The following ZFHX3 variants were observed in gnomAD, a reference collection of about 807,000 sequenced individuals.
The protein encoded by ZFHX3 is zinc finger homeobox protein 3.
ZFHX3 carries 42 observed loss-of-function variants against 279.1 expected under a neutral mutation model. The ratio of observed to expected loss-of-function variants is 0.15; its 90% confidence interval spans 0.12 to 0.19. The LOEUF (loss-of-function observed/expected upper bound fraction) is 0.19. ZFHX3 is among the 10% of genes least tolerant of loss of function. ZFHX3 has a pLI of 1.00. For synonymous variants in ZFHX3, 2,293 were observed against 1,957.8 expected (o/e 1.17, Z -4.52); for missense variants, 4,981 against 4,754.0 (o/e 1.05, Z -1.40).
chr16:73,753,691 C>A lies in ZFHX3; in HGVS notation c.-1607-73451G>T, dbSNP rs141678887. On this transcript the variant is annotated intron_variant, in intron 1 of 17. Transcript: ENST00000641206. ...AATGCTTTGCTGGGCAAAGACAAAC[C>A]CCCACTGCCACTGGGCTAAGCCCCA... is the stretch of plus-strand genomic sequence containing the variant. Among the ~76,000 whole-genome samples the A allele has an allele frequency of 4.1e-4, 62 of 152,310 alleles. No individual in the cohort carries two copies. The East Asian group carries it at 0.011, about 28-fold the overall frequency.
At chr16:73,784,816 T>TATATATATATATACACAC (rs1555501460) in intron 1 of ZFHX3, among the ~76,000 whole-genome samples, 17 of 135,518 alleles carry the variant, frequency 1.3e-4, no homozygotes, top group African/African-American at 4.6e-4. Flanking sequence ...TATATATATA[T>TATATATATATATACACAC]ACACACACAC....
chr16:73,056,871 G>C (rs969811176), intron 1 of ZFHX3, among the ~76,000 whole-genome samples: 4 of 152,126 alleles, frequency 2.6e-5, no homozygotes, highest in African/African-American at 9.7e-5. Flanking sequence ...TTCTCCCAAA[G>C]TAGGGAGGAA....
chr16:73,670,731 T>A (rs1227928753), intron 2 of ZFHX3, among the ~76,000 whole-genome samples: 3 of 152,214 alleles, frequency 2.0e-5, no homozygotes, highest in African/African-American at 7.2e-5. Flanking sequence ...CACCAAACTA[T>A]ACTGTGACAT....
intron 2 of ZFHX3, among the ~76,000 whole-genome samples, chr16:73,557,688 C>A (rs1337675324): frequency 6.6e-6 from 1 of 151,968 alleles, no homozygotes; most frequent in African/African-American, 2.4e-5. Context: ...TGGGTTTTGG[C>A]CGGCTTCTTT....
intron 2 of ZFHX3, among the ~76,000 whole-genome samples, chr16:73,549,328 T>C (rs887933130): frequency 6.6e-6 from 1 of 152,142 alleles, no homozygotes; most frequent in Non-Finnish European, 1.5e-5. Flanking sequence ...ATTTCAAATA[T>C]ATTTAAAATA....
At chr16:72,903,437 T>C (rs1408379181) in intron 3 of ZFHX3, among the ~76,000 whole-genome samples, 1 of 152,164 alleles carries the variant, frequency 6.6e-6, no homozygotes, top group Non-Finnish European at 1.5e-5. Context: ...TGTCTTACAG[T>C]GGGGGTTAGA....
intron 3 of ZFHX3, among the ~76,000 whole-genome samples, chr16:73,339,165 C>T (rs1044819901): frequency 3.9e-5 from 6 of 152,202 alleles, no homozygotes; most frequent in East Asian, 1.9e-4. Flanking sequence ...CCAACTTGGG[C>T]TTCAGAATCT....
chr16:73,836,192 C>G (rs557074699), intron 1 of ZFHX3, among the ~76,000 whole-genome samples: 2 of 152,302 alleles, frequency 1.3e-5, no homozygotes, highest in African/African-American at 4.8e-5. Flanking sequence ...GGAGCATCTT[C>G]TCCACTGCTC....
At chr16:73,685,335 T>C (rs370839595) in intron 1 of ZFHX3, among the ~76,000 whole-genome samples, 29 of 152,162 alleles carry the variant, frequency 1.9e-4, no homozygotes, top group African/African-American at 7.0e-4. Context: ...CTTTTAAAAA[T>C]GTAAGAGGGA....
intron 1 of ZFHX3, among the ~76,000 whole-genome samples, chr16:73,714,353 C>G (rs1371478692): frequency 1.3e-5 from 2 of 152,132 alleles, no homozygotes; most frequent in Non-Finnish European, 2.9e-5. Context: ...CAACATTTCC[C>G]TTGGAAAGGA....
chr16:73,599,435 T>C (rs1413343116), intron 2 of ZFHX3, among the ~76,000 whole-genome samples: 1 of 152,216 alleles, frequency 6.6e-6, no homozygotes, highest in Non-Finnish European at 1.5e-5. Context: ...TCAACAATGA[T>C]TCAGATTTCA....
intron 4 of ZFHX3, among the ~76,000 whole-genome samples, chr16:73,266,226 C>T (rs531704690): frequency 2.4e-4 from 37 of 152,246 alleles, no homozygotes; most frequent in Non-Finnish European, 5.3e-4. Flanking sequence ...GTTCTTTTCT[C>T]AATTCTAGTA....
At chr16:73,694,022 G>C (rs1479904242) in intron 1 of ZFHX3, among the ~76,000 whole-genome samples, 1 of 68,842 alleles carries the variant, frequency 1.5e-5, no homozygotes, top group East Asian at 1.4e-3. Flanking sequence ...TTTCGTTTTA[G>C]CTAAAAAAAA....
At chr16:73,260,386 G>C (rs571137775) in intron 4 of ZFHX3, among the ~76,000 whole-genome samples, 37 of 152,114 alleles carry the variant, frequency 2.4e-4, no homozygotes, top group Non-Finnish European at 2.8e-4. Flanking sequence ...GTTTATATCA[G>C]CATGGACTCA....
chr16:72,905,088 C>G (rs558231500), intron 3 of ZFHX3, among the ~76,000 whole-genome samples: 1 of 152,274 alleles, frequency 6.6e-6, no homozygotes, highest in Admixed American at 6.5e-5. Flanking sequence ...GATCCGCCCA[C>G]CAAGGCCTCC....
intron 3 of ZFHX3, among the ~76,000 whole-genome samples, chr16:72,903,049 T>C (rs2039079451): frequency 6.6e-6 from 1 of 151,954 alleles, no homozygotes; most frequent in Non-Finnish European, 1.5e-5. Context: ...GAGTCTGAAT[T>C]CTCACCAGGA....
chr16:73,770,519 GT>G (rs1366492878), intron 1 of ZFHX3, among the ~76,000 whole-genome samples: 3 of 152,150 alleles, frequency 2.0e-5, no homozygotes, highest in Non-Finnish European at 4.4e-5. Context: ...TCAGTTATGT[GT>G]TAATATCAAT....
At chr16:73,223,875 G>A (rs1444903386) in intron 5 of ZFHX3, among the ~76,000 whole-genome samples, 4 of 152,084 alleles carry the variant, frequency 2.6e-5, no homozygotes, top group African/African-American at 9.7e-5. Context: ...TGCTAAAAAG[G>A]AACACACTAT....
At chr16:73,513,309 C>A (rs1311787379) in intron 2 of ZFHX3, among the ~76,000 whole-genome samples, 4 of 152,106 alleles carry the variant, frequency 2.6e-5, no homozygotes, top group Non-Finnish European at 5.9e-5. Context: ...GTAGGCAAAC[C>A]TATATATCAT....
Sources: gnomAD v4.1 joint callset for allele counts (sites outside exome capture counted in the v4.1 genomes callset) on GRCh38, gnomAD v4.1.1 for gene constraint, MANE v1.5 for transcripts, NCBI Gene and HGNC (gene_info 2026-07-23, HGNC 2026-07-21) for gene names.